Variants in IQGAP2 observed in about 807,000 individuals in gnomAD.
The protein encoded by IQGAP2 is ras GTPase-activating-like protein IQGAP2.
IQGAP2 carries 173 observed loss-of-function variants against 201.3 expected under a neutral mutation model. The ratio of observed to expected loss-of-function variants is 0.86; its 90% confidence interval spans 0.76 to 0.98. IQGAP2 has a LOEUF of 0.98. Ranked by LOEUF, IQGAP2 falls within the 50% of genes least tolerant of loss-of-function variation. IQGAP2 has a pLI of 0.00. For missense variants in IQGAP2, 1,687 were observed against 1,864.8 expected (o/e 0.90, Z 1.76); for synonymous variants, 675 against 673.9 (o/e 1.00, Z -0.03).
At chr5:76,592,715 C>T (rs1272986010) in intron 8 of IQGAP2, 123 bp from the exon 9 acceptor site, 1 of 695,840 alleles carries the variant, frequency 1.4e-6, no homozygotes, top group African/African-American at 1.8e-5. Flanking sequence ...TCCACAAATG[C>T]TTGCAATGAA....
intron 12 of IQGAP2, among the ~76,000 whole-genome samples, chr5:76,608,258 T>C (rs1183950209): frequency 1.3e-5 from 2 of 152,240 alleles, no homozygotes; most frequent in Non-Finnish European, 2.9e-5. Flanking sequence ...ATAACACTTC[T>C]GTTAAGTATC....
intron 2 of IQGAP2, among the ~76,000 whole-genome samples, chr5:76,522,057 A>G (rs151233427): frequency 3.9e-5 from 6 of 152,224 alleles, no homozygotes; most frequent in African/African-American, 1.4e-4. Context: ...AAGTTATTGG[A>G]TGGAAACAGA....
At chr5:76,491,223 T>C (rs1201837439) in intron 2 of IQGAP2, among the ~76,000 whole-genome samples, 1 of 152,190 alleles carries the variant, frequency 6.6e-6, no homozygotes, top group Non-Finnish European at 1.5e-5. Flanking sequence ...CTTCTCTGAA[T>C]GGTTAGCACT....
intron 2 of IQGAP2, among the ~76,000 whole-genome samples, chr5:76,499,658 G>A (rs1167938081): frequency 2.0e-5 from 3 of 152,208 alleles, no homozygotes; most frequent in African/African-American, 4.8e-5. Context: ...GTGTCAAGCT[G>A]TGCAAAATGG....
In IQGAP2 at chr5:76,671,879, G is replaced by A; in HGVS notation, c.2964G>A (p.Val988=). ...CCCTGCGCCAACTCCTGGCTCCAGT[G>A]GTAAAAGAGATCATCGACGACAAGT... ...QNTLRQLLAP[V]VKEIIDDKSL... is the part of the protein sequence containing the mutation. The change falls in exon 24 of 36, where the codon GTG becomes GTA. Residue 988 remains valine, a synonymous_variant. Coordinates refer to ENST00000274364, the MANE Select transcript of IQGAP2 (RefSeq NM_006633.5). The A allele has an allele frequency of 6.2e-7, 1 of 1,614,000 alleles. No homozygotes were observed. The highest frequency in any genetic ancestry group is 1.1e-5 in the South Asian group (1 of 91,066).
chr5:76,654,918 T>G lies in IQGAP2; in HGVS notation c.2251-16T>G, dbSNP rs774096284. The stretch of plus-strand genomic sequence containing the variant: ...TGGGACTCTGGGAGATCAAGACTTG[T>G]CTTAATCTTTTGCAGAATAATGAAA... On this transcript the variant is annotated splice_polypyrimidine_tract_variant and intron_variant, in intron 19 of 35. Transcript: ENST00000274364. 1 of 1,585,816 alleles carries G rather than the reference T, an allele frequency of 6.3e-7. No individual in the cohort carries two copies. The highest frequency in any genetic ancestry group is 8.7e-7 in the Non-Finnish European group (1 of 1,154,918).
chr5:76,479,108 C>A (rs1037681666), intron 2 of IQGAP2, among the ~76,000 whole-genome samples: 1 of 152,108 alleles, frequency 6.6e-6, no homozygotes, highest in Non-Finnish European at 1.5e-5. Context: ...CATGGTTGAT[C>A]GTTCTCTCCT....
At chr5:76,496,226 C>G (rs971228216) in intron 2 of IQGAP2, among the ~76,000 whole-genome samples, 5 of 152,188 alleles carry the variant, frequency 3.3e-5, no homozygotes, top group Non-Finnish European at 7.3e-5. Context: ...TTCTTTAGCT[C>G]AGAAATGTGG....
chr5:76,575,822 C>A (rs1471052665), intron 5 of IQGAP2, 53 bp downstream of exon 5: 54 of 1,026,010 alleles, frequency 5.3e-5, no homozygotes, highest in Non-Finnish European at 7.2e-5. Flanking sequence ...TTAAATAAAA[C>A]TAAAATTTCA....
intron 2 of IQGAP2, among the ~76,000 whole-genome samples, chr5:76,468,864 T>C (rs946687269): frequency 6.6e-6 from 1 of 152,212 alleles, no homozygotes; most frequent in African/African-American, 2.4e-5. Flanking sequence ...AGATTGCAGC[T>C]CACTTTTTCA....
chr5:76,586,652 T>C (rs1203180447), intron 5 of IQGAP2, among the ~76,000 whole-genome samples: 1 of 152,160 alleles, frequency 6.6e-6, no homozygotes, highest in African/African-American at 2.4e-5. Flanking sequence ...GTATTCGTGG[T>C]CTAGTGGGCC....
In IQGAP2 at chr5:76,589,720, A is replaced by T; in HGVS notation, c.632A>T (p.Glu211Val). 6.3e-7 allele frequency: 1 copy of T among 1,588,240 alleles called. No individual in the cohort carries two copies. The highest frequency in any genetic ancestry group is 8.6e-7 in the Non-Finnish European group (1 of 1,165,174). The part of the protein sequence containing the change: ...GILANELSVD[E>V]AALHAAVIAI... ...CTGGCCAATGAACTGTCCGTGGATG[A>T]AGCTGCATGTAAGTCCATTCAAAAT... Residue 211 changes from glutamate to valine, a missense_variant, in exon 7 of 36, where the codon GAA (glutamate) becomes GTA (valine). By Grantham distance (121) the Glu-to-Val change is moderately radical. Coordinates refer to ENST00000274364, the MANE Select transcript of IQGAP2 (RefSeq NM_006633.5).
At chr5:76,625,560 G>T (rs774691094) in intron 13 of IQGAP2, among the ~76,000 whole-genome samples, 1 of 152,084 alleles carries the variant, frequency 6.6e-6, no homozygotes, top group South Asian at 2.1e-4. Flanking sequence ...GTAGTCTGCC[G>T]CATAGCTAGA....
In IQGAP2 at chr5:76,461,628, C is replaced by G. The variant is rs1312932906; in HGVS notation, c.105C>G (p.Asn35Lys). The change falls in exon 2 of 36, where the codon AAC becomes AAG. Residue 35 changes from asparagine to lysine, a missense_variant. Coordinates refer to ENST00000274364, the MANE Select transcript of IQGAP2 (RefSeq NM_006633.5). ...AGATGGATGAGAGGAGGCGGCAGAA[C>G]ATTGCTTATGAATATCTGTGCCACT... ...AEEMDERRRQ[N>K]IAYEYLCHLE... 4.3e-6 allele frequency: 7 copies of G among 1,613,932 alleles called. No individual in the cohort carries two copies. Among genetic ancestry groups the G allele is most frequent in the Non-Finnish European group, 5.9e-6 (7 of 1,179,912 alleles).
rs928755084 is a variant in IQGAP2 at position 76,640,954 on chromosome 5, G to A, written c.1945G>A (p.Val649Ile). 1.3e-6 allele frequency: 2 copies of A among 1,595,922 alleles called. No individual in the cohort carries two copies. The highest frequency in any genetic ancestry group is 2.7e-5 in the African/African-American group (2 of 74,678). The part of the protein sequence containing the change: ...EIEDIIEEVT[V>I]GYIRENIWSA... ...CCAGGACATTATTGAGGAAGTCACAGTAGGTTACATTCGTGAGAATATATG... is the reference window on the plus strand; with the variant it reads ...CCAGGACATTATTGAGGAAGTCACAATAGGTTACATTCGTGAGAATATATG... The change falls in exon 17 of 36, where the codon GTA (valine) becomes ATA (isoleucine). Residue 649 changes from valine to isoleucine, a missense_variant. Transcript: ENST00000274364.
intron 1 of IQGAP2, among the ~76,000 whole-genome samples, chr5:76,418,218 A>AG: frequency 6.6e-6 from 1 of 151,914 alleles, no homozygotes; most frequent in East Asian, 1.9e-4. Flanking sequence ...AAAAAAAAAA[A>AG]AAAAAAAAGA....
chr5:76,513,897 G>T (rs1357743484), intron 2 of IQGAP2, among the ~76,000 whole-genome samples: 3 of 151,880 alleles, frequency 2.0e-5, no homozygotes, highest in Non-Finnish European at 4.4e-5. Context: ...TGTAACAAAT[G>T]CTCCACACTA....
chr5:76,682,117 G>A (rs1745359402), intron 28 of IQGAP2, among the ~76,000 whole-genome samples: 1 of 152,170 alleles, frequency 6.6e-6, no homozygotes, highest in Non-Finnish European at 1.5e-5. Flanking sequence ...CAGTGAAACT[G>A]TTCTACAGTC....
intron 28 of IQGAP2, among the ~76,000 whole-genome samples, chr5:76,681,099 A>G (rs1745248152): frequency 6.7e-6 from 1 of 149,318 alleles, no homozygotes; most frequent in African/African-American, 2.5e-5. Flanking sequence ...CAAAAAAAAA[A>G]AAAAAAAAAA....
Sources: gnomAD v4.1 joint callset for allele counts (sites outside exome capture counted in the v4.1 genomes callset) on GRCh38, gnomAD v4.1.1 for gene constraint, MANE v1.5 for transcripts, NCBI Gene and HGNC (gene_info 2026-07-23, HGNC 2026-07-21) for gene names.